The following MPP7 variants were observed in gnomAD, a reference collection of about 807,000 sequenced individuals.
MPP7 encodes the protein MAGUK p55 subfamily member 7.
In MPP7, 60 loss-of-function variants were observed where a neutral mutation model predicts 76.5. That is an observed-to-expected ratio of 0.78 (90% CI 0.64 to 0.97). The LOEUF (loss-of-function observed/expected upper bound fraction) is 0.97. Among genes scored for constraint, MPP7 ranks in the 50% least tolerant of loss-of-function variants. The probability of loss-of-function intolerance (pLI) is 0.00; values close to 1 mark genes in which losing one functional copy is unlikely to be tolerated. For missense variants in MPP7, 641 were observed against 694.0 expected (o/e 0.92, Z 0.86); for synonymous variants, 237 against 244.5 (o/e 0.97, Z 0.29).
intron 11 of MPP7, among the ~76,000 whole-genome samples, chr10:28,099,845 G>GT (rs1437802501): frequency 6.6e-6 from 1 of 151,600 alleles, no homozygotes; most frequent in Non-Finnish European, 1.5e-5. Flanking sequence ...AGTTCCTAAG[G>GT]TTTTAAGGAA....
intron 11 of MPP7, among the ~76,000 whole-genome samples, chr10:28,116,661 A>C (rs951322405): frequency 1.3e-5 from 2 of 152,134 alleles, no homozygotes; most frequent in African/African-American, 4.8e-5. Context: ...TTCTTCCAAA[A>C]AATAGGGGGA....
intron 1 of MPP7, among the ~76,000 whole-genome samples, chr10:28,278,289 C>T (rs567741619): frequency 2.2e-4 from 34 of 152,170 alleles, no homozygotes; most frequent in African/African-American, 7.7e-4. Context: ...GATTCCATAC[C>T]CACTGCATTA....
chr10:28,303,886 T>C (rs1049757789), upstream of MPP7, among the ~76,000 whole-genome samples: 3 of 152,202 alleles, frequency 2.0e-5, no homozygotes, highest in Non-Finnish European at 2.9e-5. Context: ...CTTCCTATCA[T>C]GTAACCAACA....
intron 16 of MPP7, among the ~76,000 whole-genome samples, chr10:28,055,748 G>C (rs1408678425): frequency 6.6e-6 from 1 of 152,174 alleles, no homozygotes; most frequent in African/African-American, 2.4e-5. Context: ...GACTCTTAAT[G>C]AGTAACAGTT....
At position 28,128,664 on chromosome 10, in the gene MPP7, T is replaced by C. The variant is rs371187769; in HGVS notation, c.447+2896A>G. On this transcript the variant is annotated intron_variant, in intron 6 of 16. Coordinates refer to ENST00000683449, the MANE Select transcript of MPP7 (RefSeq NM_001318170.2). ...CTGGAAGGATGGAATTGCCATCAAC[T>C]AAAAGGGGTTAAGACAAGGGTGGAA... 6.6e-5 allele frequency among the ~76,000 whole-genome samples: 10 copies of C among 152,306 alleles called. No individual in the cohort carries two copies. In the East Asian group the frequency reaches 1.9e-3, roughly 29 times the overall value.
At chr10:28,126,955 TTG>T (rs1033117376) in intron 6 of MPP7, among the ~76,000 whole-genome samples, 45 of 152,202 alleles carry the variant, frequency 3.0e-4, no homozygotes, top group African/African-American at 9.6e-4. Flanking sequence ...CAGGTAACAG[TTG>T]TGTAAATGAA....
intron 13 of MPP7, among the ~76,000 whole-genome samples, chr10:28,060,398 C>T (rs1851734222): frequency 6.6e-6 from 1 of 152,188 alleles, no homozygotes; most frequent in Non-Finnish European, 1.5e-5. Context: ...AAGCCCAAGG[C>T]ACTCCAGTGC....
chr10:28,268,734 CAAAA>C (rs764435309), intron 1 of MPP7, among the ~76,000 whole-genome samples: 1 of 94,746 alleles, frequency 1.1e-5, no homozygotes, highest in Non-Finnish European at 2.3e-5. Context: ...GACTCTGTCT[CAAAA>C]AAAAAAAAAA....
In MPP7 at chr10:28,052,255, A is replaced by G. The variant is rs559494021; in HGVS notation, c.*1810T>C. 1 of 152,340 alleles carries G rather than the reference A, an allele frequency of 6.6e-6. No individual in the cohort carries two copies. Among genetic ancestry groups the G allele is most frequent in the East Asian group, 1.9e-4 (1 of 5,188 alleles). 9.4% of individuals were successfully genotyped at this position (152,340 alleles called of 1,614,324 possible). A position where few individuals can be genotyped will look rare whatever the true frequency, so the allele number is the denominator to read the frequency against. On this transcript the variant is annotated 3_prime_UTR_variant, in exon 17 of 17. Coordinates refer to ENST00000683449, the MANE Select transcript of MPP7 (RefSeq NM_001318170.2). ...CTTGATTTATAGAAAATTTCAGACA[A>G]TGTTCAAAGAAGGAAATATGCTACC...
chr10:28,177,641 T>A (rs1836919884), intron 3 of MPP7, among the ~76,000 whole-genome samples: 1 of 152,210 alleles, frequency 6.6e-6, no homozygotes, highest in African/African-American at 2.4e-5. Context: ...TTACAAAGTT[T>A]AGTGATTAAA....
intron 1 of MPP7, among the ~76,000 whole-genome samples, chr10:28,298,231 C>T (rs1841077002): frequency 6.6e-6 from 1 of 152,188 alleles, no homozygotes; most frequent in African/African-American, 2.4e-5. Flanking sequence ...TTTCAATTTA[C>T]TTAGCCAAGA....
intron 6 of MPP7, among the ~76,000 whole-genome samples, chr10:28,130,729 T>A (rs1835165784): frequency 2.6e-5 from 4 of 152,252 alleles, no homozygotes; most frequent in African/African-American, 4.8e-5. Flanking sequence ...TGATGTTAAA[T>A]AACAAATTTG....
intron 1 of MPP7, among the ~76,000 whole-genome samples, chr10:28,296,600 A>G (rs1035820210): frequency 6.6e-6 from 1 of 152,226 alleles, no homozygotes; most frequent in Non-Finnish European, 1.5e-5. Flanking sequence ...TCCCTTCTCT[A>G]ACAATCAGTA....
chr10:28,231,096 A>C (rs975507166), intron 2 of MPP7, among the ~76,000 whole-genome samples: 3 of 152,096 alleles, frequency 2.0e-5, no homozygotes, highest in Admixed American at 6.6e-5. Context: ...CCATAAAATA[A>C]ACAAATTTCA....
chr10:28,326,800 T>C (rs1048888257), intron 2 of MPP7, among the ~76,000 whole-genome samples: 10 of 152,214 alleles, frequency 6.6e-5, no homozygotes, highest in African/African-American at 1.4e-4. Context: ...CCAGGGTACA[T>C]GCCAGTCGGT....
intron 12 of MPP7, among the ~76,000 whole-genome samples, chr10:28,085,800 T>A (rs930636068): frequency 1.3e-5 from 2 of 151,988 alleles, no homozygotes; most frequent in South Asian, 4.2e-4. Context: ...GTCATTGCAA[T>A]AGGATTGATA....
At chr10:28,109,250 T>C (rs1007028143) in intron 11 of MPP7, among the ~76,000 whole-genome samples, 2 of 152,114 alleles carry the variant, frequency 1.3e-5, no homozygotes, top group South Asian at 2.1e-4. Flanking sequence ...ACTGTGCCAC[T>C]GCACTCCAAC....
intron 3 of MPP7, among the ~76,000 whole-genome samples, chr10:28,186,487 CA>C (rs1236657017): frequency 6.6e-6 from 1 of 152,090 alleles, no homozygotes; most frequent in Non-Finnish European, 1.5e-5. Flanking sequence ...TTGTAGATGG[CA>C]AGAACTGTGA....
At chr10:28,213,791 CAAAAA>C (rs575725136) in intron 2 of MPP7, among the ~76,000 whole-genome samples, 1 of 58,080 alleles carries the variant, frequency 1.7e-5, no homozygotes, top group Non-Finnish European at 3.7e-5. Context: ...GACTCTGTCT[CAAAAA>C]AAAAAAAAAA....
Sources: allele counts gnomAD v4.1 joint callset (sites outside exome capture counted in the v4.1 genomes callset), GRCh38; gene constraint gnomAD v4.1.1; transcripts MANE v1.5; gene names NCBI Gene and HGNC (gene_info 2026-07-23, HGNC 2026-07-21).